The following WDR24 variants were observed in gnomAD, a reference collection of about 807,000 sequenced individuals.
WDR24 encodes GATOR2 complex protein WDR24.
In WDR24, 32 loss-of-function variants were observed where a neutral mutation model predicts 66.7. The ratio of observed to expected loss-of-function variants is 0.48; its 90% CI spans 0.36 to 0.64. WDR24 has a LOEUF of 0.64. WDR24 is among the 30% of genes least tolerant of loss of function. The pLI is 0.00. For synonymous variants in WDR24, 565 were observed against 469.1 expected, an observed-to-expected ratio of 1.20 and a Z score of -2.64; for missense variants, 978 against 1,144.1, an observed-to-expected ratio of 0.85 and a Z score of 2.09.
At chr16:688,421 A>G (rs1230276767) in intron 1 of WDR24, among the ~76,000 whole-genome samples, 1 of 152,176 alleles carries the variant, frequency 6.6e-6, no homozygotes, top group Non-Finnish European at 1.5e-5. Flanking sequence ...CCAAGTAGCT[A>G]GGATTACAGG....
In WDR24 at chr16:687,143, G is replaced by C; in HGVS notation, c.933C>G (p.Pro311=). The change falls in exon 3 of 9, where the codon CCC becomes CCG. Residue 311 remains proline (P), a synonymous_variant. Coordinates refer to ENST00000293883, the MANE Select transcript of WDR24 (RefSeq NM_032259.4). ...TGIAWRHPHD[P]SFLLSGSKDS... ...CCTTGGAGCCAGACAGCAGGAAGGA[G>C]GGGTCGTGGGGGTGGCGCCAGGCAA... 6.2e-7 allele frequency: 1 copy of C among 1,612,268 alleles called. No individual in the cohort carries two copies. Among genetic ancestry groups the C allele is most frequent in the Admixed American group, 1.7e-5 (1 of 60,018 alleles).
chr16:685,956 T>A lies in WDR24; in HGVS notation c.1486A>T (p.Ser496Cys). 6.2e-7 allele frequency: 1 copy of A among 1,613,080 alleles called. No individual in the cohort carries two copies. Among genetic ancestry groups the A allele is most frequent in the South Asian group, 1.1e-5 (1 of 91,084 alleles). The change falls in exon 5 of 9, where the codon AGT (serine) becomes TGT (cysteine). Residue 496 changes from serine (S) to cysteine (C), a missense_variant. By Grantham distance (112) the Ser-to-Cys change is moderately radical (BLOSUM62 -1). Around this residue, in one of 2 missense-constraint regions of WDR24, gnomAD observed 676 missense variants for 617.5 expected, o/e 1.09. Transcript: ENST00000293883. The stretch of plus-strand genomic sequence containing the variant: ...TTGCTGCGGTCCAGCCGCGTCTCAC[T>A]GCCCAACCCTGGGGCCATATCCTTC... ...NLKDMAPGLG[S>C]ETRLDRSKGD...
chr16:689,419 G>A lies in WDR24; in HGVS notation c.222C>T (p.Asn74=). The A allele has an allele frequency of 6.2e-7, 1 of 1,613,738 alleles. No individual in the cohort carries two copies. Among genetic ancestry groups the A allele is most frequent in the Non-Finnish European group, 8.5e-7 (1 of 1,180,038 alleles). ...GCCAGACCACGTCAGCACAGCTCAG[G>A]TTAAGCGAAGGCTTGCGCCCCACAC... ...NLRVGRKPSL[N]LSCADVVWHQ... is the part of the protein sequence containing the mutation. The change falls in exon 1 of 9, where the codon AAC becomes AAT. Residue 74 remains asparagine (N), a synonymous_variant. Transcript: ENST00000293883.
chr16:687,137 G>A lies in WDR24; in HGVS notation c.939C>T (p.Phe313=), dbSNP rs1354483150. 1 of 1,612,162 alleles carries A rather than the reference G, an allele frequency of 6.2e-7. No individual in the cohort carries two copies. ...IAWRHPHDPS[F]LLSGSKDSSL... is the part of the protein sequence containing the mutation. ...AGCTGTCCTTGGAGCCAGACAGCAG[G>A]AAGGAGGGGTCGTGGGGGTGGCGCC... Residue 313 remains phenylalanine (F), a synonymous_variant, in exon 3 of 9, where the codon TTC becomes TTT. Coordinates refer to ENST00000293883, the MANE Select transcript of WDR24 (RefSeq NM_032259.4).
chr16:685,459 G>T lies in WDR24; in HGVS notation c.1817C>A (p.Ser606Tyr). ...HVSGSEADVA[S>Y]LAPVDSSFSL... is the part of the protein sequence containing the mutation. Reference sequence around the variant, plus strand: ...GAAGGAGGAGTCCACGGGGGCCAGGGAGGCCACATCCGCCTCGCTGCCGCT... The same window carrying T: ...GAAGGAGGAGTCCACGGGGGCCAGGTAGGCCACATCCGCCTCGCTGCCGCT... The change falls in exon 7 of 9, where the codon TCC (serine) becomes TAC (tyrosine). Residue 606 changes from serine to tyrosine, a missense_variant. Physicochemically the swap from Ser to Tyr is moderately radical, Grantham distance 144 (BLOSUM62 -2). Coordinates refer to ENST00000293883, the MANE Select transcript of WDR24 (RefSeq NM_032259.4). The T allele has an allele frequency of 6.2e-7, 1 of 1,605,510 alleles. No homozygotes were observed. The highest frequency in any genetic ancestry group is 8.5e-7 in the Non-Finnish European group (1 of 1,174,132).
At position 684,898 on chromosome 16, in the gene WDR24, G is replaced by A. The variant is rs1456711935; in HGVS notation, c.2209C>T (p.His737Tyr). ...SSRGWVCDRC[H>Y]RCASMCAVCH... is the part of the protein sequence containing the mutation. ...ACGGCACACATGCTGGCGCAGCGGT[G>A]GCACCTGGGGGCGGGCGGGAGGGAG... The change falls in exon 9 of 9, where the codon CAC becomes TAC. Residue 737 changes from histidine to tyrosine, a missense_variant. His to Tyr is a moderately conservative substitution (Grantham distance 83). Transcript: ENST00000293883. 1 of 1,196,610 alleles carries A rather than the reference G, an allele frequency of 8.4e-7. No individual in the cohort carries two copies. Among genetic ancestry groups the A allele is most frequent in the Non-Finnish European group, 1.2e-6 (1 of 844,750 alleles). The allele number at this position is 1,196,610 out of a possible 1,614,324, so 74.1% of individuals were successfully genotyped here.
At chr16:686,659 A>T in intron 3 of WDR24, 85 bp downstream of exon 3, 2 of 1,463,588 alleles carry the variant, frequency 1.4e-6, no homozygotes, top group Non-Finnish European at 1.8e-6. Flanking sequence ...GCGGAGCTTG[A>T]GGTGGGGTGA....
chr16:685,874 T>C lies in WDR24; in HGVS notation c.1568A>G (p.Asn523Ser), dbSNP rs78325269. Residue 523 changes from asparagine (N) to serine (S), a missense_variant, in exon 5 of 9, where the codon AAT becomes AGT. Asn to Ser is a conservative substitution (Grantham distance 46, BLOSUM62 1). Around this residue, in one of 2 missense-constraint regions of WDR24, gnomAD observed 676 missense variants for 617.5 expected, o/e 1.09. Coordinates refer to ENST00000293883, the MANE Select transcript of WDR24 (RefSeq NM_032259.4). ...CCCTACCCACCCCAGCCTACCCTCA[T>C]TGGTGATGAGTGTGGCCGAGGAGTC... ...LLDSSATLITNEDNEETEGSD... is the reference protein window; with the variant it reads ...LLDSSATLITSEDNEETEGSD... The C allele has an allele frequency of 6.2e-7, 1 of 1,612,458 alleles. No homozygotes were observed. The highest frequency in any genetic ancestry group is 1.1e-5 in the South Asian group (1 of 91,054).
Position 684,779 on chromosome 16 carries a change from G to A in WDR24, c.2328C>T (p.Ser776=), listed in dbSNP as rs1199258803. The change falls in exon 9 of 9, where the codon AGC becomes AGT. Residue 776 remains serine, a synonymous_variant. Coordinates refer to ENST00000293883, the MANE Select transcript of WDR24 (RefSeq NM_032259.4). The part of the protein sequence containing the change: ...LQHIMKWLEG[S]SHCPAGCGHL... ...GGCCGCAGCCTGCGGGACAGTGGGA[G>A]CTGCCTTCCAGCCACTTCATGATGT... 2.5e-6 allele frequency: 4 copies of A among 1,598,008 alleles called. No individual in the cohort carries two copies. Among genetic ancestry groups the A allele is most frequent in the Admixed American group, 1.7e-5 (1 of 58,742 alleles).
Position 685,090 on chromosome 16 carries a change from G to T in WDR24, c.2106C>A (p.Ser702Arg). 3 of 1,556,428 alleles carry T rather than the reference G, an allele frequency of 1.9e-6. No individual in the cohort carries two copies. The highest frequency in any genetic ancestry group is 2.6e-6 in the Non-Finnish European group (3 of 1,150,964). The change falls in exon 8 of 9, where the codon AGC (serine) becomes AGA (arginine). Residue 702 changes from serine (S) to arginine (R), a missense_variant. By Grantham distance (110) the Ser-to-Arg change is moderately radical. Around this residue, in one of 2 missense-constraint regions of WDR24, gnomAD observed 676 missense variants for 617.5 expected, o/e 1.09. Coordinates refer to ENST00000293883, the MANE Select transcript of WDR24 (RefSeq NM_032259.4). Reference sequence around the variant, plus strand: ...CCTGGTTGAGGCAGCTGACGGCGCGGCTGGTGCTCAGCTTGACCACCTCGT... The same window carrying T: ...CCTGGTTGAGGCAGCTGACGGCGCGTCTGGTGCTCAGCTTGACCACCTCGT... Reference protein sequence around the residue: ...VSNEVVKLSTSRAVSCLNQAS... With the variant: ...VSNEVVKLSTRRAVSCLNQAS...
rs752708145 is a variant in WDR24, at chr16:690,059, A to G, written c.-419T>C. 1 of 470,172 alleles carries G rather than the reference A, an allele frequency of 2.1e-6. No homozygotes were observed. The highest frequency in any genetic ancestry group is 1.5e-5 in the South Asian group (1 of 64,660). The allele number at this position is 470,172 out of a possible 1,614,324, so 29.1% of individuals were successfully genotyped here. A position where few individuals can be genotyped will look rare whatever the true frequency, so the allele number is the denominator to read the frequency against. ...GAGCGAGGAGACTCCCGCCGTCCACACTGTCAGCCCTGAGGGCGGCGGGGC... is the reference window on the plus strand; with the variant it reads ...GAGCGAGGAGACTCCCGCCGTCCACGCTGTCAGCCCTGAGGGCGGCGGGGC... On this transcript the variant is annotated 5_prime_UTR_variant, in exon 1 of 9. Transcript: ENST00000293883.
In WDR24 at chr16:685,739, G is replaced by A. The variant is rs779065253; in HGVS notation, c.1618C>T (p.Leu540=). 2.0e-5 allele frequency: 33 copies of A among 1,613,152 alleles called. 1 individual carries two copies. The highest frequency in any genetic ancestry group is 2.6e-5 in the Non-Finnish European group (31 of 1,180,022). Residue 540 remains leucine, a synonymous_variant, in exon 6 of 9, where the codon CTG becomes TTG. Coordinates refer to ENST00000293883, the MANE Select transcript of WDR24 (RefSeq NM_032259.4). ...EGSDVPADYL[L]GDVEGEEDEL... Reference sequence around the variant, plus strand: ...TCCTCCTCACCTTCCACGTCACCCAGCAGGTAGTCGGCAGGTACGTCGCTG... The same window carrying A: ...TCCTCCTCACCTTCCACGTCACCCAACAGGTAGTCGGCAGGTACGTCGCTG...
chr16:689,569 G>T lies in WDR24; in HGVS notation c.72C>A (p.His24Gln), dbSNP rs1016777665. The change falls in exon 1 of 9, where the codon CAC becomes CAA. Residue 24 changes from histidine (H) to glutamine (Q), a missense_variant. Physicochemically the swap from His to Gln is conservative, Grantham distance 24. This residue lies in a region of WDR24 where 302 missense variants were observed against 526.6 expected (regional missense o/e 0.57). Coordinates refer to ENST00000293883, the MANE Select transcript of WDR24 (RefSeq NM_032259.4). ...SVLTGRTMHC[H>Q]LDAPANAISV... ...TGATGGCATTGGCGGGAGCATCCAG[G>T]TGGCAGTGCATGGTGCGGCCTGTCA... The T allele has an allele frequency of 1.2e-6, 2 of 1,612,918 alleles. No homozygotes were observed. The highest frequency in any genetic ancestry group is 1.3e-5 in the African/African-American group (1 of 74,950).
In WDR24 at chr16:687,248, G is replaced by A. The variant is rs761112316; in HGVS notation, c.828C>T (p.His276=). Reference sequence around the variant, plus strand: ...GGCGCACGTCCCAAACATAGATGTTGTGGTCCACCATCATGGAGCACGTGG... The same window carrying A: ...GGCGCACGTCCCAAACATAGATGTTATGGTCCACCATCATGGAGCACGTGG... The part of the protein sequence containing the change: ...HLATCSMMVD[H]NIYVWDVRRP... The change falls in exon 3 of 9, where the codon CAC becomes CAT. Residue 276 remains histidine, a synonymous_variant. Coordinates refer to ENST00000293883, the MANE Select transcript of WDR24 (RefSeq NM_032259.4). 5 of 1,612,428 alleles carry A rather than the reference G, an allele frequency of 3.1e-6. No individual in the cohort carries two copies. The South Asian group carries it at 4.4e-5, about 14-fold the overall frequency.
Position 686,799 on chromosome 16 carries a change from A to G in WDR24, c.1277T>C (p.Leu426Pro), listed in dbSNP as rs1302611830. 6.2e-7 allele frequency: 1 copy of G among 1,611,210 alleles called. No individual in the cohort carries two copies. The highest frequency in any genetic ancestry group is 8.5e-7 in the Non-Finnish European group (1 of 1,178,770). Residue 426 changes from leucine (L) to proline (P), a missense_variant, in exon 3 of 9, where the codon CTG becomes CCG. Leu to Pro is a moderately conservative substitution (Grantham distance 98, BLOSUM62 -3). This residue lies in a region of WDR24 where 676 missense variants were observed against 617.5 expected (regional missense o/e 1.09). Transcript: ENST00000293883. Reference sequence around the variant, plus strand: ...TGCGTTGTGGTCACAGAGCTCGGCCAGTGGCCGGCCAGCCAGCGCATAACG... The same window carrying G: ...TGCGTTGTGGTCACAGAGCTCGGCCGGTGGCCGGCCAGCCAGCGCATAACG... ...AERYALAGRPLAELCDHNAKV... is the reference protein window; with the variant it reads ...AERYALAGRPPAELCDHNAKV...
In WDR24 at chr16:685,913, T is replaced by C; in HGVS notation, c.1529A>G (p.Asp510Gly). 2 of 1,613,100 alleles carry C rather than the reference T, an allele frequency of 1.2e-6. No individual in the cohort carries two copies. The highest frequency in any genetic ancestry group is 2.2e-5 in the South Asian group (2 of 91,078). ...LDRSKGDARS[D>G]TVLLDSSATL... ...GGCCGAGGAGTCGAGCAGAACTGTGTCGCTCCGTGCATCTCCTTTGCTGCG... is the reference window on the plus strand; with the variant it reads ...GGCCGAGGAGTCGAGCAGAACTGTGCCGCTCCGTGCATCTCCTTTGCTGCG... The change falls in exon 5 of 9, where the codon GAC becomes GGC. Residue 510 changes from aspartate (D) to glycine (G), a missense_variant. Physicochemically the swap from Asp to Gly is moderately conservative, Grantham distance 94. Around this residue, in one of 2 missense-constraint regions of WDR24, gnomAD observed 676 missense variants for 617.5 expected, o/e 1.09. Coordinates refer to ENST00000293883, the MANE Select transcript of WDR24 (RefSeq NM_032259.4).
In WDR24 at chr16:686,739, C is replaced by T. The variant is rs766220895; in HGVS notation, c.1332+5G>A. The T allele has an allele frequency of 1.3e-6, 2 of 1,588,644 alleles. No homozygotes were observed. The highest frequency in any genetic ancestry group is 1.7e-6 in the Non-Finnish European group (2 of 1,164,176). On this transcript the variant is annotated splice_donor_5th_base_variant and intron_variant, in intron 3 of 8. Coordinates refer to ENST00000293883, the MANE Select transcript of WDR24 (RefSeq NM_032259.4). ...CAGGGACCCCCAGGCTCAGCACCTA[C>T]CTACCTGGTTGCGGCCAAGCTCTCG...
Position 687,050 on chromosome 16 carries a change from G to A in WDR24, c.1026C>T (p.Gly342=). 6.2e-7 allele frequency: 1 copy of A among 1,604,510 alleles called. No individual in the cohort carries two copies. Among genetic ancestry groups the A allele is most frequent in the Non-Finnish European group, 8.5e-7 (1 of 1,179,072 alleles). The change falls in exon 3 of 9, where the codon GGC becomes GGT. Residue 342 remains glycine (G), a synonymous_variant. Coordinates refer to ENST00000293883, the MANE Select transcript of WDR24 (RefSeq NM_032259.4). ...GGTCCCCGAAGAGGCCGTAGCAGAG[G>A]CCCTCAGGGTTGGCGCGCTCGACGG... ...SQPVERANPE[G]LCYGLFGDLA...
intron 1 of WDR24, 84 bp downstream of exon 1, chr16:689,076 G>A: frequency 1.3e-6 from 2 of 1,560,882 alleles, no homozygotes; most frequent in Middle Eastern, 1.7e-4. Context: ...GGCCTCTGAT[G>A]CACGGAGCCC....
Sources: gnomAD v4.1 joint callset for allele counts (sites outside exome capture counted in the v4.1 genomes callset) on GRCh38, gnomAD v4.1.1 for gene constraint, gnomAD v4.1.1 regional missense constraint, MANE v1.5 for transcripts, NCBI Gene and HGNC (gene_info 2026-07-23, HGNC 2026-07-21) for gene names.